The following NDUFB6 variants were observed in gnomAD, a reference collection of about 807,000 sequenced individuals.
NDUFB6 encodes the protein NADH:ubiquinone oxidoreductase subunit B6, also known as NADH dehydrogenase [ubiquinone] 1 beta subcomplex subunit 6.
Under a neutral mutation model 17.5 loss-of-function variants are expected in NDUFB6, and 23 were observed. The ratio of observed to expected loss-of-function variants is 1.31; its 90% CI spans 0.94 to 1.86. The LOEUF is 1.86. Ranked by LOEUF, NDUFB6 falls within the 40% of genes most tolerant of loss-of-function variation. The pLI, the probability that NDUFB6 is intolerant of heterozygous loss-of-function variation, is 0.00. For synonymous variants in NDUFB6, 60 were observed against 53.5 expected, an observed-to-expected ratio of 1.12 and a Z score of -0.53; for missense variants, 167 against 153.8, an observed-to-expected ratio of 1.09 and a Z score of -0.46.
At chr9:32,566,907 G>A (rs968324591) in intron 2 of NDUFB6, 11 of 557,546 alleles carry the variant, frequency 2.0e-5, no homozygotes, top group Admixed American at 1.2e-4. Context: ...GGAAGCACCC[G>A]ATGTCACTCA....
chr9:32,571,808 T>C (rs2119039887), intron 1 of NDUFB6, among the ~76,000 whole-genome samples: 2 of 152,370 alleles, frequency 1.3e-5, no homozygotes, highest in South Asian at 2.1e-4. Flanking sequence ...AATCAGTGAC[T>C]GCCAATATTC....
chr9:32,560,902 C>T (rs536161025), intron 2 of NDUFB6, among the ~76,000 whole-genome samples: 2 of 152,192 alleles, frequency 1.3e-5, no homozygotes, highest in East Asian at 3.9e-4. Context: ...AAGAACCATA[C>T]ATTAATCTGG....
At chr9:32,564,444 T>C (rs1393350392) in intron 2 of NDUFB6, among the ~76,000 whole-genome samples, 1 of 152,188 alleles carries the variant, frequency 6.6e-6, no homozygotes, top group Non-Finnish European at 1.5e-5. Context: ...GCCATTTTTC[T>C]TTTTTCTGAA....
chr9:32,561,365 G>A (rs988613993), intron 2 of NDUFB6, among the ~76,000 whole-genome samples: 7 of 150,224 alleles, frequency 4.7e-5, no homozygotes, highest in African/African-American at 7.4e-5. Flanking sequence ...TCGTTATATC[G>A]CTCAGGCTGG....
chr9:32,571,151 T>C (rs1258236918), intron 1 of NDUFB6, 99 bp from the exon 2 acceptor site: 6 of 778,610 alleles, frequency 7.7e-6, no homozygotes, highest in Non-Finnish European at 1.3e-5. Context: ...ATGACTATTT[T>C]ACAAAACTCT....
chr9:32,565,300 AAAAG>A (rs1821750585), intron 2 of NDUFB6: 1 of 152,202 alleles, frequency 6.6e-6, no homozygotes, highest in Non-Finnish European at 1.5e-5. Context: ...TCAAAAAAAA[AAAAG>A]AAAAAAATTC....
chr9:32,563,298 A>C (rs1336381010), intron 2 of NDUFB6, among the ~76,000 whole-genome samples: 2 of 152,102 alleles, frequency 1.3e-5, no homozygotes, highest in Non-Finnish European at 2.9e-5. Flanking sequence ...TTTGAGGATA[A>C]GTATTTTAAA....
chr9:32,570,456 G>A (rs1821913557), intron 2 of NDUFB6, among the ~76,000 whole-genome samples: 1 of 152,006 alleles, frequency 6.6e-6, no homozygotes, highest in African/African-American at 2.4e-5. Flanking sequence ...TACCACAACT[G>A]GCTCAGTTCC....
In NDUFB6 at chr9:32,553,086, A is replaced by G. The variant is rs1007014892; in HGVS notation, c.*790T>C. ...TCACTTAGAGATTTTAGTATTTTAC[A>G]TTCTCATGACAAAATTAACAGCAAC... On this transcript the variant is annotated 3_prime_UTR_variant, in exon 4 of 4. Coordinates refer to ENST00000379847, the MANE Select transcript of NDUFB6 (RefSeq NM_002493.5). The G allele has an allele frequency of 9.7e-6, 5 of 512,848 alleles. No individual in the cohort carries two copies. Among genetic ancestry groups the G allele is most frequent in the Non-Finnish European group, 1.7e-5 (5 of 290,488 alleles). 31.8% of individuals were successfully genotyped at this position (512,848 alleles called of 1,614,324 possible).
Position 32,573,110 on chromosome 9 carries a change from G to A in NDUFB6, c.-50C>T. On this transcript the variant is annotated 5_prime_UTR_variant, in exon 1 of 4. Coordinates refer to ENST00000379847, the MANE Select transcript of NDUFB6 (RefSeq NM_002493.5). ...GGACACGGCGCACCCTCGAACTACG[G>A]ACTAGTTACTTAAGCGCGCTCCCGC... The A allele has an allele frequency of 1.4e-6, 2 of 1,471,110 alleles. No individual in the cohort carries two copies. The highest frequency in any genetic ancestry group is 1.8e-6 in the Non-Finnish European group (2 of 1,109,564). 91.1% of individuals were successfully genotyped at this position (1,471,110 alleles called of 1,614,324 possible).
chr9:32,557,694 G>A (rs1021964059), intron 3 of NDUFB6, among the ~76,000 whole-genome samples: 2 of 151,940 alleles, frequency 1.3e-5, no homozygotes, highest in African/African-American at 4.8e-5. Flanking sequence ...GGCCAGGCTG[G>A]TCTCGAAGTT....
chr9:32,566,801 G>A (rs1439868765), intron 2 of NDUFB6: 32 of 894,202 alleles, frequency 3.6e-5, no homozygotes, highest in South Asian at 5.3e-5. Flanking sequence ...ACAGGAGGTC[G>A]GCCAGCAGTC....
chr9:32,570,949 G>A lies in NDUFB6; in HGVS notation c.273+11C>T, dbSNP rs1256448051. The A allele has an allele frequency of 5.2e-6, 8 of 1,526,862 alleles. No individual in the cohort carries two copies. Among genetic ancestry groups the A allele is most frequent in the Non-Finnish European group, 7.2e-6 (8 of 1,113,312 alleles). The allele number at this position is 1,526,862 out of a possible 1,614,324, so 94.6% of individuals were successfully genotyped here. A position where few individuals can be genotyped will look rare whatever the true frequency, so the allele number is the denominator to read the frequency against. The stretch of plus-strand genomic sequence containing the variant: ...AATATTAAAAATGAATTCTGAAAAG[G>A]ACATACTTACAGAAACATGATACTT... On this transcript the variant is annotated intron_variant, in intron 2 of 3. Coordinates refer to ENST00000379847, the MANE Select transcript of NDUFB6 (RefSeq NM_002493.5).
intron 3 of NDUFB6, 65 bp from the exon 4 acceptor site, chr9:32,554,009 G>T: frequency 2.0e-6 from 2 of 1,025,300 alleles, no homozygotes; most frequent in Non-Finnish European, 3.0e-6. Context: ...GTTCTATTCT[G>T]TTCTATGTTC....
chr9:32,556,846 CT>C (rs10703297), intron 3 of NDUFB6, among the ~76,000 whole-genome samples: 534 of 82,372 alleles, frequency 6.5e-3, no homozygotes, highest in Middle Eastern at 0.032. Flanking sequence ...AAATCCCCTA[CT>C]TTTTTTTTTT....
chr9:32,566,615 A>G, intron 2 of NDUFB6: 1 of 788,536 alleles, frequency 1.3e-6, no homozygotes, highest in Non-Finnish European at 2.3e-6. Context: ...ATTCCTCCTG[A>G]GCCTCTGCAC....
At position 32,553,121 on chromosome 9, in the gene NDUFB6, A is replaced by T; in HGVS notation, c.*755T>A. ...CAAAATTAACAGCAACCTAAATCTG[A>T]CAGTCTTGAGTGTCAGATCATAGTT... On this transcript the variant is annotated 3_prime_UTR_variant, in exon 4 of 4. Transcript: ENST00000379847. 1 of 478,184 alleles carries T rather than the reference A, an allele frequency of 2.1e-6. No individual in the cohort carries two copies. The highest frequency in any genetic ancestry group is 2.3e-5 in the African/African-American group (1 of 44,092). The allele number at this position is 478,184 out of a possible 1,614,324, so 29.6% of individuals were successfully genotyped here.
At chr9:32,566,146 T>C (rs377101891) in intron 2 of NDUFB6, 1 of 680,648 alleles carries the variant, frequency 1.5e-6, no homozygotes, top group Middle Eastern at 2.6e-4. Flanking sequence ...GGTGTGTATA[T>C]GTCACTGGCG....
intron 2 of NDUFB6, 50 bp downstream of exon 2, chr9:32,570,910 A>G (rs1821921379): frequency 7.6e-7 from 1 of 1,312,430 alleles, no homozygotes; most frequent in Non-Finnish European, 1.1e-6. Context: ...GCCACAAAGA[A>G]AGTAATTTTG....
Sources: gnomAD v4.1 joint callset for allele counts (sites outside exome capture counted in the v4.1 genomes callset) on GRCh38, gnomAD v4.1.1 for gene constraint, MANE v1.5 for transcripts, NCBI Gene and HGNC (gene_info 2026-07-23, HGNC 2026-07-21) for gene names.